Variants in JAZF1 observed in about 807,000 individuals in gnomAD.
JAZF1 encodes juxtaposed with another zinc finger protein 1.
Under a neutral mutation model 26.4 loss-of-function variants are expected in JAZF1, and 8 were observed. The ratio of observed to expected loss-of-function variants is 0.30; its 90% CI spans 0.18 to 0.55. JAZF1 has a LOEUF of 0.55. JAZF1 is among the 20% of genes least tolerant of loss of function. JAZF1 has a pLI of 0.94. For missense variants in JAZF1, 199 were observed against 322.0 expected (o/e 0.62, Z 2.92); for synonymous variants, 126 against 122.3 (o/e 1.03, Z -0.20).
chr7:28,066,679 TCAAC>T (rs1783889008), intron 1 of JAZF1, among the ~76,000 whole-genome samples: 1 of 144,174 alleles, frequency 6.9e-6, no homozygotes, highest in Non-Finnish European at 1.5e-5. Flanking sequence ...ATGATGATCC[TCAAC>T]CAGAGTACTG....
chr7:27,872,004 TATA>T (rs1337936958), intron 3 of JAZF1, among the ~76,000 whole-genome samples: 1 of 152,238 alleles, frequency 6.6e-6, no homozygotes, highest in East Asian at 1.9e-4. Context: ...AGCAAATTGT[TATA>T]ATGTCACTGC....
At chr7:28,170,076 A>C (rs1332083743) in intron 1 of JAZF1, among the ~76,000 whole-genome samples, 2 of 152,028 alleles carry the variant, frequency 1.3e-5, no homozygotes, top group Admixed American at 6.6e-5. Flanking sequence ...CTTAACTCAC[A>C]GTGTTTACAG....
At chr7:28,082,490 CTCTCCTGT>C (rs1338469807) in intron 1 of JAZF1, among the ~76,000 whole-genome samples, 5 of 152,124 alleles carry the variant, frequency 3.3e-5, no homozygotes, top group African/African-American at 1.2e-4. Context: ...ACGGTCTTTC[CTCTCCTGT>C]GATTTTAGTT....
At chr7:27,993,756 G>A (rs1785954663) in intron 1 of JAZF1, among the ~76,000 whole-genome samples, 1 of 152,144 alleles carries the variant, frequency 6.6e-6, no homozygotes, top group South Asian at 2.1e-4. Context: ...AATTTCTCAA[G>A]TGCTCACAAA....
intron 2 of JAZF1, among the ~76,000 whole-genome samples, chr7:27,974,948 G>A (rs974856800): frequency 2.0e-5 from 3 of 150,298 alleles, no homozygotes; most frequent in South Asian, 2.1e-4. Context: ...GCAGTGGCAC[G>A]ATCTGGGCTC....
At chr7:27,944,091 T>C (rs576611661) in intron 2 of JAZF1, among the ~76,000 whole-genome samples, 4 of 152,324 alleles carry the variant, frequency 2.6e-5, no homozygotes, top group South Asian at 2.1e-4. Flanking sequence ...CAGATGGGCT[T>C]AGCATGAAAG....
chr7:28,078,987 A>G (rs1485958890), intron 1 of JAZF1, among the ~76,000 whole-genome samples: 1 of 151,120 alleles, frequency 6.6e-6, no homozygotes, highest in African/African-American at 2.4e-5. Context: ...TAAAATGCCC[A>G]TAATTTTTTT....
chr7:28,101,630 G>C (rs1784473241), intron 1 of JAZF1, among the ~76,000 whole-genome samples: 1 of 147,104 alleles, frequency 6.8e-6, no homozygotes, highest in Non-Finnish European at 1.5e-5. Context: ...TGTAGTCCCA[G>C]CTACTTGGGA....
In JAZF1 at chr7:28,101,165, C is replaced by A. The variant is rs77343515; in HGVS notation, c.115+79298G>T. Among the ~76,000 whole-genome samples, 383 of 152,196 alleles carry A rather than the reference C, an allele frequency of 2.5e-3. 1 individual carries two copies. Among genetic ancestry groups the A allele is most frequent in the African/African-American group, 8.9e-3 (370 of 41,500 alleles). ...AGGCATTGGAAATACAGGTGGAACCCTTTTTTTATCCTCATCGTGCCACAT... is the reference window on the plus strand; with the variant it reads ...AGGCATTGGAAATACAGGTGGAACCATTTTTTTATCCTCATCGTGCCACAT... On this transcript the variant is annotated intron_variant, in intron 1 of 4. Coordinates refer to ENST00000283928, the MANE Select transcript of JAZF1 (RefSeq NM_175061.4).
chr7:28,019,205 G>A (rs1176829570), intron 1 of JAZF1, among the ~76,000 whole-genome samples: 1 of 152,116 alleles, frequency 6.6e-6, no homozygotes, highest in Non-Finnish European at 1.5e-5. Flanking sequence ...ATTCTCCTCT[G>A]CATCTAAGCC....
intron 1 of JAZF1, among the ~76,000 whole-genome samples, chr7:28,017,865 C>T (rs1233420688): frequency 6.6e-6 from 1 of 152,190 alleles, no homozygotes; most frequent in African/African-American, 2.4e-5. Context: ...CCTCCACCTC[C>T]GGGGTTCAAG....
At chr7:27,899,445 TA>T (rs933931943) in intron 2 of JAZF1, among the ~76,000 whole-genome samples, 4 of 152,268 alleles carry the variant, frequency 2.6e-5, no homozygotes, top group African/African-American at 9.6e-5. Context: ...CTGATGTGGA[TA>T]TTTTTTTGGA....
intron 1 of JAZF1, among the ~76,000 whole-genome samples, chr7:28,099,297 C>A (rs1377829043): frequency 2.0e-5 from 3 of 151,518 alleles, no homozygotes; most frequent in African/African-American, 7.3e-5. Flanking sequence ...TTCAGTCTGA[C>A]TAAAAAAAAT....
chr7:28,170,126 T>A (rs899267040), intron 1 of JAZF1, among the ~76,000 whole-genome samples: 6 of 151,964 alleles, frequency 3.9e-5, no homozygotes, highest in African/African-American at 1.5e-4. Flanking sequence ...AAAAAATCTT[T>A]AAAATAAAGT....
In JAZF1 at chr7:28,165,467, C is replaced by T. The variant is rs117331649; in HGVS notation, c.115+14996G>A. 4.5e-3 allele frequency among the ~76,000 whole-genome samples: 690 copies of T among 152,260 alleles called. 3 individuals are homozygous for T. Among genetic ancestry groups the T allele is most frequent in the Non-Finnish European group, 6.9e-3 (468 of 68,016 alleles). On this transcript the variant is annotated intron_variant, in intron 1 of 4. Coordinates refer to ENST00000283928, the MANE Select transcript of JAZF1 (RefSeq NM_175061.4). ...AAAGCAGAATGGAAACTAACCATAA[C>T]GAAGTCACACAACATTCCACATCAT... is the stretch of plus-strand genomic sequence containing the variant.
At chr7:28,018,937 G>C (rs1440286399) in intron 1 of JAZF1, among the ~76,000 whole-genome samples, 2 of 152,190 alleles carry the variant, frequency 1.3e-5, no homozygotes, top group African/African-American at 4.8e-5. Context: ...AAAAGGGCCA[G>C]TCATTGCTGT....
chr7:28,103,994 C>T (rs1039542881), intron 1 of JAZF1, among the ~76,000 whole-genome samples: 23 of 152,338 alleles, frequency 1.5e-4, no homozygotes, highest in Non-Finnish European at 2.8e-4. Context: ...GACCTTATCT[C>T]CCCCTGCCCT....
intron 3 of JAZF1, among the ~76,000 whole-genome samples, chr7:27,892,483 C>T (rs566843586): frequency 1.1e-4 from 17 of 152,114 alleles, no homozygotes; most frequent in Non-Finnish European, 2.2e-4. Flanking sequence ...CCTAGGCACC[C>T]GTCACTAATT....
chr7:27,861,573 C>G lies in JAZF1; in HGVS notation c.386-20706G>C, dbSNP rs1325892738. Among the ~76,000 whole-genome samples, 4 of 140,066 alleles carry G rather than the reference C, an allele frequency of 2.9e-5. No homozygotes were observed. In the South Asian group the frequency reaches 9.4e-4, roughly 33 times the overall value. The allele number at this position is 140,066 out of a possible 152,430, so 91.9% of individuals were successfully genotyped here. On this transcript the variant is annotated intron_variant, in intron 3 of 4. Coordinates refer to ENST00000283928, the MANE Select transcript of JAZF1 (RefSeq NM_175061.4). ...ATTCTTTTTTTTTTCATGCACAAAG[C>G]TTTCTTCTCTCTGTAAGGAGAAGGT... is the stretch of plus-strand genomic sequence containing the variant.
Sources: gnomAD v4.1 joint callset for allele counts (sites outside exome capture counted in the v4.1 genomes callset) on GRCh38, gnomAD v4.1.1 for gene constraint, MANE v1.5 for transcripts, NCBI Gene and HGNC (gene_info 2026-07-23, HGNC 2026-07-21) for gene names.